The following IL1RAPL1 variants were observed in gnomAD, a reference collection of about 807,000 sequenced individuals.
IL1RAPL1 encodes interleukin-1 receptor accessory protein-like 1.
IL1RAPL1 carries 3 observed loss-of-function variants against 48.4 expected under a neutral mutation model. The observed-to-expected ratio is 0.06, with a 90% CI of 0.03 to 0.16. The LOEUF (loss-of-function observed/expected upper bound fraction) is 0.16, where lower values mean the gene tolerates loss of function less well. IL1RAPL1 is among the 10% of genes least tolerant of loss of function. The pLI is 1.00. For synonymous variants in IL1RAPL1, 185 were observed against 187.7 expected (o/e 0.99, Z 0.12); for missense variants, 349 against 530.6 (o/e 0.66, Z 3.36).
Position 28,951,368 on chromosome X carries a change from A to G in IL1RAPL1, c.82+161943A>G, listed in dbSNP as rs185276516. Among the ~76,000 whole-genome samples, 234 of 107,889 alleles carry G rather than the reference A, an allele frequency of 2.2e-3. 4 individuals carry two copies. The highest frequency in any genetic ancestry group is 2.0e-3 in the Admixed American group (20 of 9,987). The allele number at this position is 107,889 out of a possible 115,157, so 93.7% of individuals were successfully genotyped here. On this transcript the variant is annotated intron_variant, in intron 2 of 10. Coordinates refer to ENST00000378993, the MANE Select transcript of IL1RAPL1 (RefSeq NM_014271.4). ...ACTGGAAGGAATTTTTTATCCTTCA[A>G]TTATTCTAACTTCATATAAATGTAT...
In IL1RAPL1 at chrX:29,230,061, T is replaced by C. The variant is rs775079267; in HGVS notation, c.83-52877T>C. ...ATGACTCAACCCATCACAAGAAATTTATAATGGACATATAACTCACCTAGT... is the reference window on the plus strand; with the variant it reads ...ATGACTCAACCCATCACAAGAAATTCATAATGGACATATAACTCACCTAGT... On this transcript the variant is annotated intron_variant, in intron 2 of 10. Coordinates refer to ENST00000378993, the MANE Select transcript of IL1RAPL1 (RefSeq NM_014271.4). Among the ~76,000 whole-genome samples, 76 of 111,902 alleles carry C rather than the reference T, an allele frequency of 6.8e-4. 1 individual carries two copies. The highest frequency in any genetic ancestry group is 1.3e-3 in the Non-Finnish European group (69 of 53,270).
chrX:29,586,408 G>C (rs922223027), intron 5 of IL1RAPL1, among the ~76,000 whole-genome samples: 22 of 111,310 alleles, frequency 2.0e-4, no homozygotes, highest in Middle Eastern at 9.3e-3. Flanking sequence ...GGCCTATATG[G>C]CTGTCTTTAT....
At chrX:29,665,688 G>A (rs868147053) in intron 5 of IL1RAPL1, among the ~76,000 whole-genome samples, 21 of 111,996 alleles carry the variant, frequency 1.9e-4, no homozygotes, top group Middle Eastern at 4.6e-3. Flanking sequence ...TCAAATCAGT[G>A]GCTCAGCCAT....
chrX:29,338,349 T>A (rs1476956648), intron 3 of IL1RAPL1, among the ~76,000 whole-genome samples: 1 of 112,146 alleles, frequency 8.9e-6, no homozygotes, highest in Non-Finnish European at 1.9e-5. Flanking sequence ...CTAAAAGTGT[T>A]AAATTATACG....
At chrX:29,825,238 C>T (rs758736925) in intron 6 of IL1RAPL1, among the ~76,000 whole-genome samples, 1 of 110,997 alleles carries the variant, frequency 9.0e-6, no homozygotes, top group Non-Finnish European at 1.9e-5. Context: ...GCCACCATAG[C>T]CATTCTTGCC....
chrX:29,401,401 A>C (rs1304069640), intron 5 of IL1RAPL1, among the ~76,000 whole-genome samples: 1 of 111,466 alleles, frequency 9.0e-6, no homozygotes, highest in Non-Finnish European at 1.9e-5. Context: ...ATTAACAACA[A>C]GTCTACTGGG....
intron 2 of IL1RAPL1, among the ~76,000 whole-genome samples, chrX:29,177,030 T>C (rs1930038207): frequency 9.0e-6 from 1 of 111,263 alleles, no homozygotes; most frequent in African/African-American, 3.3e-5. Context: ...TACAACTCAA[T>C]TGAAGGCTGG....
intron 1 of IL1RAPL1, among the ~76,000 whole-genome samples, chrX:28,638,940 G>T (rs1934500379): frequency 9.0e-6 from 1 of 111,440 alleles, no homozygotes; most frequent in Non-Finnish European, 1.9e-5. Flanking sequence ...ACCATTGTGG[G>T]TGGGAAGATT....
At chrX:28,718,154 G>A (rs750452851) in intron 1 of IL1RAPL1, among the ~76,000 whole-genome samples, 1 of 111,274 alleles carries the variant, frequency 9.0e-6, no homozygotes, top group South Asian at 3.8e-4. Flanking sequence ...ATATTTTTGA[G>A]CATCTACTAT....
rs898855644 is a variant in IL1RAPL1 at position 28,697,735 on chromosome X, A to G, written c.-24-91585A>G. 8.1e-5 allele frequency among the ~76,000 whole-genome samples: 9 copies of G among 111,413 alleles called. No individual in the cohort carries two copies. The East Asian group carries it at 2.5e-3, about 32-fold the overall frequency. ...TTCATACATTCAACAAATATTAAGTACCTCCTGTTTTCCTGGAATTCTGAA... is the reference window on the plus strand; with the variant it reads ...TTCATACATTCAACAAATATTAAGTGCCTCCTGTTTTCCTGGAATTCTGAA... On this transcript the variant is annotated intron_variant, in intron 1 of 10. Transcript: ENST00000378993.
At chrX:29,554,854 G>C (rs1210931733) in intron 5 of IL1RAPL1, among the ~76,000 whole-genome samples, 2 of 112,257 alleles carry the variant, frequency 1.8e-5, no homozygotes, top group Non-Finnish European at 3.8e-5. Flanking sequence ...GTATACTCAT[G>C]TACATAAACA....
At chrX:28,970,170 T>G (rs965984275) in intron 2 of IL1RAPL1, among the ~76,000 whole-genome samples, 2 of 111,636 alleles carry the variant, frequency 1.8e-5, no homozygotes, top group Non-Finnish European at 3.8e-5. Context: ...CCAGCTAATT[T>G]TTTGTATTTG....
chrX:29,080,982 T>TTC (rs1423078304), intron 2 of IL1RAPL1, among the ~76,000 whole-genome samples: 1 of 43,355 alleles, frequency 2.3e-5, no homozygotes, highest in Admixed American at 3.4e-4. Flanking sequence ...CTTTCTTTCT[T>TTC]TCTTTCTTTC....
chrX:29,275,172 C>T (rs1314462463), intron 2 of IL1RAPL1, among the ~76,000 whole-genome samples: 4 of 111,735 alleles, frequency 3.6e-5, no homozygotes, highest in Non-Finnish European at 5.6e-5. Flanking sequence ...GGACCAGCAG[C>T]ATCACCTGCT....
intron 6 of IL1RAPL1, among the ~76,000 whole-genome samples, chrX:29,813,738 C>G (rs976073383): frequency 1.8e-5 from 2 of 110,787 alleles, no homozygotes; most frequent in Non-Finnish European, 3.8e-5. Context: ...CTTTACCCCC[C>G]TTCCCCCGCC....
intron 3 of IL1RAPL1, among the ~76,000 whole-genome samples, chrX:29,304,920 C>T (rs1172501879): frequency 8.9e-6 from 1 of 111,870 alleles, no homozygotes; most frequent in Non-Finnish European, 1.9e-5. Context: ...ATGCCCTTAC[C>T]ATTTATGCAT....
chrX:28,979,918 T>A (rs747892501), intron 2 of IL1RAPL1, among the ~76,000 whole-genome samples: 1 of 112,473 alleles, frequency 8.9e-6, no homozygotes, highest in Non-Finnish European at 1.9e-5. Context: ...GTGGTGGAGT[T>A]CTCTGTGATG....
chrX:29,773,130 G>C (rs1418540491), intron 6 of IL1RAPL1, among the ~76,000 whole-genome samples: 1 of 112,245 alleles, frequency 8.9e-6, no homozygotes, highest in African/African-American at 3.2e-5. Flanking sequence ...ATATTCCAAG[G>C]CTGCATAAAG....
intron 1 of IL1RAPL1, among the ~76,000 whole-genome samples, chrX:28,697,152 T>C (rs187154017): frequency 9.0e-6 from 1 of 111,572 alleles, no homozygotes; most frequent in African/African-American, 3.2e-5. Context: ...GATAAGTTGC[T>C]TGGCTTTTAA....
Sources: gnomAD v4.1 joint callset for allele counts (sites outside exome capture counted in the v4.1 genomes callset) on GRCh38, gnomAD v4.1.1 for gene constraint, MANE v1.5 for transcripts, NCBI Gene and HGNC (gene_info 2026-07-23, HGNC 2026-07-21) for gene names.